AFF3: variants seen among roughly 807,000 people sequenced by gnomAD.
AFF3 encodes the protein AF4/FMR2 family member 3.
Under a neutral mutation model 129.7 loss-of-function variants are expected in AFF3, and 32 were observed. The ratio of observed to expected loss-of-function variants is 0.25; its 90% CI spans 0.19 to 0.33. The LOEUF is 0.33. AFF3 is among the 10% of genes least tolerant of loss of function. The pLI, the probability that AFF3 is intolerant of heterozygous loss-of-function variation, is 1.00. For missense variants in AFF3, 1,373 were observed against 1,592.0 expected, an observed-to-expected ratio of 0.86 and a Z score of 2.34; for synonymous variants, 644 against 635.4, an observed-to-expected ratio of 1.01 and a Z score of -0.20.
chr2:100,128,322 C>G lies in AFF3; in HGVS notation c.-145+902G>C, dbSNP rs1445041813. On this transcript the variant is annotated intron_variant, in intron 2 of 24. Coordinates refer to ENST00000672756, the MANE Select transcript of AFF3 (RefSeq NM_001386135.1). The stretch of plus-strand genomic sequence containing the variant: ...GATCCAAGACCCCCTCTCTTGGAGT[C>G]TGGATCGGGACCACTTTCCTGTAAC... Among the ~76,000 whole-genome samples the G allele has an allele frequency of 2.0e-5, 3 of 152,188 alleles. No individual in the cohort carries two copies. In the East Asian group the frequency reaches 5.8e-4, roughly 29 times the overall value.
intron 8 of AFF3, among the ~76,000 whole-genome samples, chr2:99,802,150 C>T (rs368842353): frequency 2.6e-5 from 4 of 152,300 alleles, no homozygotes; most frequent in African/African-American, 9.6e-5. Context: ...CTTAGGCCTT[C>T]TAAAAGTCAT....
chr2:99,959,076 G>A (rs1030608578), intron 7 of AFF3, among the ~76,000 whole-genome samples: 5 of 151,934 alleles, frequency 3.3e-5, no homozygotes, highest in Non-Finnish European at 5.9e-5. Context: ...CAGTCTCGGC[G>A]ACAGAGCGAG....
At chr2:100,103,399 C>T (rs1162488805) in intron 4 of AFF3, among the ~76,000 whole-genome samples, 1 of 151,138 alleles carries the variant, frequency 6.6e-6, no homozygotes, top group Non-Finnish European at 1.5e-5. Flanking sequence ...TATGCTTGTT[C>T]CAGCAGATGT....
At chr2:99,995,300 T>G (rs1311125414) in intron 7 of AFF3, among the ~76,000 whole-genome samples, 1 of 152,184 alleles carries the variant, frequency 6.6e-6, no homozygotes, top group Non-Finnish European at 1.5e-5. Flanking sequence ...TATGCTGGGA[T>G]TTGACTATTT....
At chr2:100,108,498 G>A (rs140504397) in intron 2 of AFF3, among the ~76,000 whole-genome samples, 84 of 152,174 alleles carry the variant, frequency 5.5e-4, no homozygotes, top group Non-Finnish European at 1.0e-3. Flanking sequence ...ATCCTCTGGC[G>A]AAGAACTTCA....
At chr2:99,580,171 T>A (rs1677391997) in intron 17 of AFF3, among the ~76,000 whole-genome samples, 1 of 152,200 alleles carries the variant, frequency 6.6e-6, no homozygotes, top group South Asian at 2.1e-4. Context: ...CTGCACTTGC[T>A]GCTTCCTCTG....
In AFF3 at chr2:99,860,131, T is replaced by C. The variant is rs561624151; in HGVS notation, c.874-22607A>G. ...CAAATTTTTATATTAAAATATTTAA[T>C]TGTGGCTGGGCACAGTGGCTTACAC... is the stretch of plus-strand genomic sequence containing the variant. On this transcript the variant is annotated intron_variant, in intron 7 of 24. Transcript: ENST00000672756. Among the ~76,000 whole-genome samples, 4 of 152,312 alleles carry C rather than the reference T, an allele frequency of 2.6e-5. No individual in the cohort carries two copies. In the South Asian group the frequency reaches 8.3e-4, roughly 32 times the overall value.
At chr2:99,631,542 T>C (rs923544447) in intron 13 of AFF3, among the ~76,000 whole-genome samples, 2 of 152,202 alleles carry the variant, frequency 1.3e-5, no homozygotes, top group African/African-American at 4.8e-5. Flanking sequence ...ACAACCATTC[T>C]ACCTCCTGTC....
At chr2:99,695,900 T>G (rs562138193) in intron 11 of AFF3, among the ~76,000 whole-genome samples, 2 of 119,990 alleles carry the variant, frequency 1.7e-5, no homozygotes, top group South Asian at 5.7e-4. Context: ...GCCAGAGAGC[T>G]CTCTAGAATC....
At chr2:99,688,318 A>T (rs193246006) in intron 11 of AFF3, among the ~76,000 whole-genome samples, 305 of 152,342 alleles carry the variant, frequency 2.0e-3, no homozygotes, top group African/African-American at 6.9e-3. Flanking sequence ...GTAGTGATGG[A>T]CACAAATCAA....
At chr2:99,804,506 C>A (rs1320593669) in intron 8 of AFF3, among the ~76,000 whole-genome samples, 1 of 152,138 alleles carries the variant, frequency 6.6e-6, no homozygotes, top group East Asian at 1.9e-4. Flanking sequence ...ATTAGTACCA[C>A]CTGTATGGAA....
intron 7 of AFF3, among the ~76,000 whole-genome samples, chr2:99,869,729 C>T (rs935405078): frequency 6.6e-6 from 1 of 152,098 alleles, no homozygotes; most frequent in Admixed American, 6.5e-5. Flanking sequence ...GCCACCAAAA[C>T]CAAAGTATAA....
chr2:100,043,639 CT>C (rs1220856471), intron 4 of AFF3, among the ~76,000 whole-genome samples: 5 of 152,076 alleles, frequency 3.3e-5, no homozygotes, highest in Admixed American at 6.5e-5. Context: ...GAAAATAAAA[CT>C]TTTTTTAACC....
chr2:99,985,085 C>G (rs1203759645), intron 7 of AFF3, among the ~76,000 whole-genome samples: 1 of 152,234 alleles, frequency 6.6e-6, no homozygotes, highest in Non-Finnish European at 1.5e-5. Context: ...CTGGTTATGT[C>G]TGCAGCAAAA....
At chr2:99,947,662 A>G (rs1466420065) in intron 7 of AFF3, among the ~76,000 whole-genome samples, 3 of 152,062 alleles carry the variant, frequency 2.0e-5, no homozygotes, top group African/African-American at 7.3e-5. Context: ...ATAGACAGAC[A>G]GACAGACAGA....
chr2:99,722,469 T>C (rs1678994783), intron 11 of AFF3, among the ~76,000 whole-genome samples: 1 of 152,208 alleles, frequency 6.6e-6, no homozygotes, highest in Non-Finnish European at 1.5e-5. Flanking sequence ...GAAGGATCTG[T>C]TTCGGTTTTG....
intron 10 of AFF3, among the ~76,000 whole-genome samples, chr2:99,736,095 A>G (rs1391564709): frequency 6.6e-6 from 1 of 152,178 alleles, no homozygotes; most frequent in African/African-American, 2.4e-5. Flanking sequence ...GTCTGCTTGA[A>G]AATAATGCAT....
At chr2:99,843,487 T>C (rs1235350529) in intron 7 of AFF3, among the ~76,000 whole-genome samples, 1 of 152,204 alleles carries the variant, frequency 6.6e-6, no homozygotes, top group Admixed American at 6.5e-5. Flanking sequence ...AAATGAGATA[T>C]GCTAGGAAAA....
At chr2:99,769,953 C>T (rs1372967512) in intron 8 of AFF3, among the ~76,000 whole-genome samples, 8 of 152,164 alleles carry the variant, frequency 5.3e-5, no homozygotes, top group Non-Finnish European at 7.4e-5. Context: ...CACCTGAAGC[C>T]AGCACAACAC....
Sources: allele counts gnomAD v4.1 joint callset (sites outside exome capture counted in the v4.1 genomes callset), GRCh38; gene constraint gnomAD v4.1.1; transcripts MANE v1.5; gene names NCBI Gene and HGNC (gene_info 2026-07-23, HGNC 2026-07-21).